The following SLC16A1 variants were observed in gnomAD, a reference collection of about 807,000 sequenced individuals.
The protein encoded by SLC16A1 is monocarboxylate transporter 1.
SLC16A1 carries 11 observed loss-of-function variants against 32.2 expected under a neutral mutation model. The observed-to-expected ratio is 0.34, with a 90% CI of 0.21 to 0.56. The LOEUF (loss-of-function observed/expected upper bound fraction) is 0.56, where lower values mean the gene tolerates loss of function less well. Among genes scored for constraint, SLC16A1 ranks in the 20% least tolerant of loss-of-function variants. The probability of loss-of-function intolerance (pLI) is 0.87; values close to 1 mark genes in which losing one functional copy is unlikely to be tolerated. For synonymous variants in SLC16A1, 231 were observed against 226.8 expected (o/e 1.02, Z -0.17); for missense variants, 435 against 615.0 (o/e 0.71, Z 3.10).
chr1:112,927,044 T>G (rs1036172785), intron 2 of SLC16A1, among the ~76,000 whole-genome samples: 13 of 150,294 alleles, frequency 8.6e-5, no homozygotes, highest in Non-Finnish European at 1.5e-4. Flanking sequence ...GAGGATGGTT[T>G]GAGCCTCGGT....
chr1:112,936,595 G>A (rs925891706), intron 1 of SLC16A1, among the ~76,000 whole-genome samples: 1 of 151,690 alleles, frequency 6.6e-6, no homozygotes, highest in African/African-American at 2.4e-5. Flanking sequence ...TTCTATCATG[G>A]GACTCTCTCT....
intron 1 of SLC16A1, among the ~76,000 whole-genome samples, chr1:112,936,480 CAAAA>C (rs35673011): frequency 9.1e-5 from 5 of 54,868 alleles, no homozygotes; most frequent in South Asian, 8.0e-4. Context: ...GACTCTGTCT[CAAAA>C]AAAAAAAAAA....
intron 2 of SLC16A1, among the ~76,000 whole-genome samples, chr1:112,922,589 C>A (rs1206037316): frequency 6.6e-6 from 1 of 152,116 alleles, no homozygotes; most frequent in South Asian, 2.1e-4. Flanking sequence ...GCCTGGCCAA[C>A]ATGGCGAAAC....
chr1:112,921,788 A>G (rs1648744204), intron 3 of SLC16A1, among the ~76,000 whole-genome samples: 1 of 152,210 alleles, frequency 6.6e-6, no homozygotes, highest in Non-Finnish European at 1.5e-5. Flanking sequence ...CTCATTCGAC[A>G]AACAATAAAT....
chr1:112,917,749 T>G lies in SLC16A1; in HGVS notation c.657A>C (p.Lys219Asn). Residue 219 changes from lysine to asparagine, a missense_variant, in exon 4 of 5, where the codon AAA becomes AAC. Transcript: ENST00000369626. This position sits in a 1 kb window ranked among gnomAD's most constrained non-coding sequence, Gnocchi z 4.1. Reference protein sequence around the residue: ...KSKASLEKAGKSGVKKDLHDA... With the variant: ...KSKASLEKAGNSGVKKDLHDA... ...CATGCAGATCTTTTTTCACACCAGA[T>G]TTTCCAGCTTTCTCAAGGGATGCTT... 1 of 1,614,172 alleles carries G rather than the reference T, an allele frequency of 6.2e-7. No individual in the cohort carries two copies. Among genetic ancestry groups the G allele is most frequent in the Non-Finnish European group, 8.5e-7 (1 of 1,180,040 alleles).
In SLC16A1 at chr1:112,917,986, G is replaced by A; in HGVS notation, c.420C>T (p.Tyr140=). Residue 140 remains tyrosine, a synonymous_variant, in exon 4 of 5, where the codon TAC becomes TAT. Transcript: ENST00000369626. The surrounding 1 kb of genome is among the most constrained non-coding windows in gnomAD (Gnocchi z 4.1). The part of the protein sequence containing the change: ...PALTMIGKYF[Y]KRRPLANGLA... Reference sequence around the variant, plus strand: ...GTCCGTTGGCCAATGGTCGCCTCTTGTAGAAATACTTGCCAATCATGGTCA... The same window carrying A: ...GTCCGTTGGCCAATGGTCGCCTCTTATAGAAATACTTGCCAATCATGGTCA... 6.3e-7 allele frequency: 1 copy of A among 1,593,718 alleles called. No homozygotes were observed. The highest frequency in any genetic ancestry group is 1.2e-5 in the South Asian group (1 of 86,076).
chr1:112,919,193 G>A (rs1376959622), intron 3 of SLC16A1, among the ~76,000 whole-genome samples: 1 of 151,754 alleles, frequency 6.6e-6, no homozygotes, highest in Non-Finnish European at 1.5e-5. Flanking sequence ...ACCATGCCCG[G>A]CTCATTTTTT....
intron 2 of SLC16A1, chr1:112,924,220 G>C (rs752286261): frequency 6.6e-7 from 1 of 1,517,674 alleles, no homozygotes; most frequent in Middle Eastern, 1.7e-4. Context: ...GGCATGTCCA[G>C]CTTGGAGCAG....
chr1:112,943,530 G>A (rs780485034), intron 1 of SLC16A1, among the ~76,000 whole-genome samples: 24 of 152,182 alleles, frequency 1.6e-4, no homozygotes, highest in Non-Finnish European at 3.2e-4. Context: ...GCTCACGCCT[G>A]TAATCCCAGC....
chr1:112,923,725 G>A lies in SLC16A1; in HGVS notation c.218-1592C>T, dbSNP rs191434215. The A allele has an allele frequency of 3.3e-5, 50 of 1,536,898 alleles. No homozygotes were observed. The Admixed American group carries it at 5.9e-4, about 18-fold the overall frequency. On this transcript the variant is annotated intron_variant, in intron 2 of 4. Coordinates refer to ENST00000369626, the MANE Select transcript of SLC16A1 (RefSeq NM_003051.4). ...AGCACCCCGGTGGAAGAGACACTGAGTGCCTGCCACCAGCTGCACCAGGAG... is the reference window on the plus strand; with the variant it reads ...AGCACCCCGGTGGAAGAGACACTGAATGCCTGCCACCAGCTGCACCAGGAG...
intron 1 of SLC16A1, among the ~76,000 whole-genome samples, chr1:112,932,497 C>T (rs2101636664): frequency 6.6e-6 from 1 of 152,014 alleles, no homozygotes; most frequent in African/African-American, 2.4e-5. Flanking sequence ...CATGCTGCTG[C>T]ACTCCAGAGC....
chr1:112,918,272 C>T (rs1376973893), intron 3 of SLC16A1, among the ~76,000 whole-genome samples: 4 of 152,040 alleles, frequency 2.6e-5, no homozygotes, highest in African/African-American at 4.8e-5. Flanking sequence ...TGACTGCTTC[C>T]TAATATGTAA....
chr1:112,921,896 G>T lies in SLC16A1; in HGVS notation c.361+94C>A. On this transcript the variant is annotated intron_variant, in intron 3 of 4. Coordinates refer to ENST00000369626, the MANE Select transcript of SLC16A1 (RefSeq NM_003051.4). ...TAATCAAGTCATTTCTATAAGAAAA[G>T]AATTTCACTCCAGAGATCTGAAAGA... is the stretch of plus-strand genomic sequence containing the variant. 10 of 1,439,478 alleles carry T rather than the reference G, an allele frequency of 6.9e-6. No homozygotes were observed. The South Asian group carries it at 1.2e-4, about 17-fold the overall frequency. The allele number at this position is 1,439,478 out of a possible 1,614,324, so 89.2% of individuals were successfully genotyped here.
rs145072199 is a variant in SLC16A1, at chr1:112,921,083, G to T, written c.361+907C>A. Among the ~76,000 whole-genome samples the T allele has an allele frequency of 9.8e-3, 1,480 of 151,242 alleles. 12 individuals carry two copies. Among genetic ancestry groups the T allele is most frequent in the Middle Eastern group, 0.034 (10 of 292 alleles). On this transcript the variant is annotated intron_variant, in intron 3 of 4. Coordinates refer to ENST00000369626, the MANE Select transcript of SLC16A1 (RefSeq NM_003051.4). The stretch of plus-strand genomic sequence containing the variant: ...GTGAATCCAGGAGGCGGAGCTTGCA[G>T]TGAGCTGAGATCGCGCCACTGCACT...
At chr1:112,927,348 C>A (rs991502164) in intron 2 of SLC16A1, among the ~76,000 whole-genome samples, 12 of 151,390 alleles carry the variant, frequency 7.9e-5, no homozygotes, top group African/African-American at 2.9e-4. Context: ...AGATCTCTTC[C>A]CCGCAAAATA....
chr1:112,922,174 C>G (rs762660429), intron 2 of SLC16A1, 41 bp from the exon 3 acceptor site: 39 of 1,591,896 alleles, frequency 2.4e-5, no homozygotes, highest in Non-Finnish European at 3.4e-5. Flanking sequence ...AAGGAAACTG[C>G]TCCCTCACAT....
intron 2 of SLC16A1, among the ~76,000 whole-genome samples, chr1:112,925,088 T>C (rs1042505098): frequency 6.6e-6 from 1 of 152,202 alleles, no homozygotes; most frequent in South Asian, 2.1e-4. Context: ...CTCAGCTAAC[T>C]ATATGCATAT....
At chr1:112,942,029 T>A (rs993846195) in intron 1 of SLC16A1, among the ~76,000 whole-genome samples, 3 of 152,136 alleles carry the variant, frequency 2.0e-5, no homozygotes, top group African/African-American at 7.2e-5. Flanking sequence ...TAGAGTACAA[T>A]GGTGCGATCT....
intron 1 of SLC16A1, among the ~76,000 whole-genome samples, chr1:112,937,496 C>T (rs961161162): frequency 6.6e-6 from 1 of 152,060 alleles, no homozygotes; most frequent in African/African-American, 2.4e-5. Flanking sequence ...TGACAAATGG[C>T]TATCCCTGTT....
Sources: gnomAD v4.1 joint callset for allele counts (sites outside exome capture counted in the v4.1 genomes callset) on GRCh38, gnomAD v4.1.1 for gene constraint, Gnocchi (gnomAD v3.1) non-coding constraint, MANE v1.5 for transcripts, NCBI Gene and HGNC (gene_info 2026-07-23, HGNC 2026-07-21) for gene names.